MGAT4C: variants seen among roughly 807,000 people sequenced by gnomAD.
The protein encoded by MGAT4C is MGAT4 family member C.
A neutral mutation model predicts 40.1 loss-of-function variants in MGAT4C; 19 were observed. The observed-to-expected ratio is 0.47, with a 90% CI of 0.33 to 0.70. The LOEUF is 0.70. Among genes scored for constraint, MGAT4C ranks in the 30% least tolerant of loss-of-function variants. MGAT4C has a pLI of 0.02. For synonymous variants in MGAT4C, 181 were observed against 187.1 expected, an observed-to-expected ratio of 0.97 and a Z score of 0.27; for missense variants, 491 against 563.2, an observed-to-expected ratio of 0.87 and a Z score of 1.30.
rs561346902 is a variant in MGAT4C, at chr12:86,409,734, G to C, written c.-120+25423C>G. ...GTGTTGGAGGAGGGGCCTGGTGACA[G>C]GTGATTGGATCATGGAGGTGGACTT... On this transcript the variant is annotated intron_variant, in intron 3 of 7. Transcript: ENST00000548651. Among the ~76,000 whole-genome samples, 5 of 152,276 alleles carry C rather than the reference G, an allele frequency of 3.3e-5. No homozygotes were observed. In the East Asian group the frequency reaches 9.7e-4, roughly 29 times the overall value.
intron 4 of MGAT4C, among the ~76,000 whole-genome samples, chr12:86,293,750 T>C (rs768231799): frequency 5.9e-5 from 9 of 152,210 alleles, no homozygotes; most frequent in Admixed American, 1.3e-4. Context: ...GATCATGTTC[T>C]CATGATAGTG....
chr12:86,532,416 G>A (rs1959000616), intron 2 of MGAT4C, among the ~76,000 whole-genome samples: 1 of 151,896 alleles, frequency 6.6e-6, no homozygotes, highest in Non-Finnish European at 1.5e-5. Flanking sequence ...AGACAAAGTA[G>A]GTTTTTCTTA....
chr12:86,753,174 G>A (rs1951250693), intron 1 of MGAT4C, among the ~76,000 whole-genome samples: 1 of 152,114 alleles, frequency 6.6e-6, no homozygotes, highest in Admixed American at 6.6e-5. Context: ...CTCCAGCAAG[G>A]TAACATGTCC....
intron 3 of MGAT4C, among the ~76,000 whole-genome samples, chr12:86,387,999 T>G (rs1956088105): frequency 6.6e-6 from 1 of 152,140 alleles, no homozygotes; most frequent in African/African-American, 2.4e-5. Flanking sequence ...GCTCAGACAC[T>G]TATGCACAAG....
intron 2 of MGAT4C, among the ~76,000 whole-genome samples, chr12:86,444,301 C>A (rs1957293426): frequency 1.3e-5 from 2 of 152,148 alleles, no homozygotes; most frequent in South Asian, 4.1e-4. Flanking sequence ...ATCCCAGGCT[C>A]ATTTGCCGGC....
chr12:86,665,841 TA>T (rs1205285849), intron 2 of MGAT4C, among the ~76,000 whole-genome samples: 12 of 152,314 alleles, frequency 7.9e-5, no homozygotes, highest in African/African-American at 2.4e-4. Context: ...TGGAGATGAC[TA>T]ATTATACTGC....
chr12:86,685,256 C>T (rs896202910), intron 2 of MGAT4C, among the ~76,000 whole-genome samples: 5 of 152,148 alleles, frequency 3.3e-5, no homozygotes, highest in African/African-American at 1.2e-4. Flanking sequence ...CTGCATATGG[C>T]TAGCCAGTTT....
At chr12:86,414,089 A>T (rs1019428099) in intron 3 of MGAT4C, among the ~76,000 whole-genome samples, 4 of 152,138 alleles carry the variant, frequency 2.6e-5, no homozygotes, top group Non-Finnish European at 5.9e-5. Context: ...CTGCAAGTAC[A>T]TGAAAAGCAA....
intron 2 of MGAT4C, among the ~76,000 whole-genome samples, chr12:86,522,121 C>G (rs992317719): frequency 6.6e-6 from 1 of 152,050 alleles, no homozygotes; most frequent in Non-Finnish European, 1.5e-5. Flanking sequence ...TTACTCTGCT[C>G]AGGACTTCTA....
At chr12:86,419,689 GC>G (rs1175322468) in intron 3 of MGAT4C, among the ~76,000 whole-genome samples, 2 of 152,092 alleles carry the variant, frequency 1.3e-5, no homozygotes, top group Non-Finnish European at 2.9e-5. Context: ...AATGGACAAG[GC>G]CATTTCACTT....
intron 2 of MGAT4C, among the ~76,000 whole-genome samples, chr12:86,611,065 C>T (rs1324454840): frequency 4.0e-5 from 6 of 151,542 alleles, no homozygotes; most frequent in Admixed American, 6.6e-5. Flanking sequence ...TCGGTGTGAA[C>T]ATAGATCCTG....
At chr12:86,461,434 A>T (rs1957599490) in intron 2 of MGAT4C, among the ~76,000 whole-genome samples, 1 of 151,726 alleles carries the variant, frequency 6.6e-6, no homozygotes, top group Non-Finnish European at 1.5e-5. Flanking sequence ...TTTAGTAGAG[A>T]CGGGGTTTCA....
At chr12:86,808,879 A>T (rs145235932) in intron 1 of MGAT4C, among the ~76,000 whole-genome samples, 15 of 152,212 alleles carry the variant, frequency 9.9e-5, no homozygotes, top group African/African-American at 3.4e-4. Context: ...ATGTCTAGGA[A>T]ACCTTGTCGT....
rs150587726 is a variant in MGAT4C at position 86,517,056 on chromosome 12, G to T, written c.-228-81791C>A. On this transcript the variant is annotated intron_variant, in intron 2 of 7. Coordinates refer to the MGAT4C transcript ENST00000548651. ...AAGATGCACAAGTGTTAGCAAGGAT[G>T]TGGATAAATTATAACCCTCATACAT... 3.1e-4 allele frequency among the ~76,000 whole-genome samples: 47 copies of T among 152,302 alleles called. No individual in the cohort carries two copies. The East Asian group carries it at 8.7e-3, about 28-fold the overall frequency.
chr12:86,793,423 G>T (rs1177882559), intron 1 of MGAT4C, among the ~76,000 whole-genome samples: 2 of 151,418 alleles, frequency 1.3e-5, no homozygotes, highest in African/African-American at 2.4e-5. Context: ...AATAATCCTG[G>T]GTTTTAGAAA....
At chr12:86,528,196 T>C (rs563221461) in intron 2 of MGAT4C, among the ~76,000 whole-genome samples, 7 of 152,118 alleles carry the variant, frequency 4.6e-5, no homozygotes, top group Non-Finnish European at 1.0e-4. Context: ...AAATAATTTA[T>C]GTATTTTTAT....
chr12:85,971,227 A>G lies in MGAT4C; in HGVS notation c.*8062T>C, dbSNP rs1194641040. On this transcript the variant is annotated 3_prime_UTR_variant, in exon 5 of 5. Coordinates refer to ENST00000611864, the MANE Select transcript of MGAT4C (RefSeq NM_001351288.2). Reference sequence around the variant, plus strand: ...ATAAAAGAAAATAATTTTTATGGTAACTAATTTTAGTAGTGCATCAGATCA... The same window carrying G: ...ATAAAAGAAAATAATTTTTATGGTAGCTAATTTTAGTAGTGCATCAGATCA... 6.6e-6 allele frequency: 1 copy of G among 151,222 alleles called. No homozygotes were observed. Among genetic ancestry groups the G allele is most frequent in the Non-Finnish European group, 1.5e-5 (1 of 67,374 alleles). The allele number at this position is 151,222 out of a possible 1,614,324, so 9.4% of individuals were successfully genotyped here. A position where few individuals can be genotyped will look rare whatever the true frequency, so the allele number is the denominator to read the frequency against.
intron 1 of MGAT4C, among the ~76,000 whole-genome samples, chr12:86,729,380 T>TA (rs1228287441): frequency 6.6e-6 from 1 of 151,928 alleles, no homozygotes; most frequent in African/African-American, 2.4e-5. Flanking sequence ...TAAAAATTTT[T>TA]AAAAAAAGGA....
intron 4 of MGAT4C, among the ~76,000 whole-genome samples, chr12:86,300,130 T>TA (rs1953774628): frequency 1.3e-5 from 2 of 152,222 alleles, no homozygotes; most frequent in South Asian, 4.1e-4. Flanking sequence ...TGAGTTGGGT[T>TA]ACATTTACAA....
Sources: gnomAD v4.1 joint callset for allele counts (sites outside exome capture counted in the v4.1 genomes callset) on GRCh38, gnomAD v4.1.1 for gene constraint, MANE v1.5 for transcripts, NCBI Gene and HGNC (gene_info 2026-07-23, HGNC 2026-07-21) for gene names.